The following CACNA1C variants were observed in gnomAD, a reference collection of about 807,000 sequenced individuals.
CACNA1C encodes calcium voltage-gated channel subunit alpha1 C.
In CACNA1C, 30 loss-of-function variants were observed where a neutral mutation model predicts 229.0. The ratio of observed to expected loss-of-function variants is 0.13; its 90% CI spans 0.10 to 0.18. The LOEUF is 0.18. CACNA1C is among the 10% of genes least tolerant of loss of function. The pLI is 1.00. For missense variants in CACNA1C, 1,658 were observed against 2,845.0 expected, an observed-to-expected ratio of 0.58 and a Z score of 9.49; for synonymous variants, 1,114 against 1,132.5, an observed-to-expected ratio of 0.98 and a Z score of 0.33.
intron 3 of CACNA1C, among the ~76,000 whole-genome samples, chr12:2,147,740 G>A (rs1198030103): frequency 6.7e-6 from 1 of 148,910 alleles, no homozygotes; most frequent in Non-Finnish European, 1.5e-5. Context: ...GCAAATTACA[G>A]AGTGAAAGAA....
At chr12:2,081,123 A>G (rs2065423699) in intron 1 of CACNA1C, among the ~76,000 whole-genome samples, 1 of 152,254 alleles carries the variant, frequency 6.6e-6, no homozygotes. Flanking sequence ...AAAAGCAAGC[A>G]GGGAGAAAAG....
intron 1 of CACNA1C, among the ~76,000 whole-genome samples, chr12:2,109,717 A>C (rs769688769): frequency 2.0e-5 from 3 of 152,182 alleles, no homozygotes; most frequent in Non-Finnish European, 4.4e-5. Context: ...CCAAGAGTGG[A>C]CTGAGGAAAA....
rs765822946 is a variant in CACNA1C, at chr12:2,651,775, G to T, written c.4074+7G>T. ...CTTCATCAAGTCCTTCCAGGTAGCCGCCCCTCATGTCCTGCGGCCCGGGGA... is the reference window on the plus strand; with the variant it reads ...CTTCATCAAGTCCTTCCAGGTAGCCTCCCCTCATGTCCTGCGGCCCGGGGA... On this transcript the variant is annotated splice_region_variant and intron_variant, in intron 32 of 46. Coordinates refer to ENST00000399655, the MANE Select transcript of CACNA1C (RefSeq NM_000719.7). The surrounding 1 kb of genome is among the most constrained non-coding windows in gnomAD (Gnocchi z 5.4). 1.9e-6 allele frequency: 3 copies of T among 1,593,708 alleles called. No homozygotes were observed. Among genetic ancestry groups the T allele is most frequent in the Non-Finnish European group, 1.7e-6 (2 of 1,169,990 alleles).
At chr12:2,508,375 C>T (rs1379143172) in intron 8 of CACNA1C, among the ~76,000 whole-genome samples, 4 of 152,172 alleles carry the variant, frequency 2.6e-5, no homozygotes, top group East Asian at 3.9e-4. Context: ...TTCAGGGCTG[C>T]GCATGGTGGC....
Position 1,972,812 on chromosome 12 carries a change from G to C in CACNA1C, c.139+1611G>C, listed in dbSNP as rs575376862. Among the ~76,000 whole-genome samples the C allele has an allele frequency of 2.0e-5, 3 of 152,186 alleles. No homozygotes were observed. The South Asian group carries it at 6.2e-4, about 32-fold the overall frequency. On this transcript the variant is annotated intron_variant, in intron 1 of 46. Coordinates refer to the CACNA1C transcript ENST00000682462. ...AAAAAAGAAGGATGGAATGAAGGGAGGGGGGAGATCAGTGAGGAAGGGAGG... is the reference window on the plus strand; with the variant it reads ...AAAAAAGAAGGATGGAATGAAGGGACGGGGGAGATCAGTGAGGAAGGGAGG...
intron 1 of CACNA1C, chr12:1,991,811 AGTT>A (rs1438604215): frequency 6.5e-6 from 1 of 155,016 alleles, no homozygotes; most frequent in African/African-American, 2.4e-5. Context: ...TTGGTATAGT[AGTT>A]AATATGTGAT....
intron 3 of CACNA1C, among the ~76,000 whole-genome samples, chr12:2,282,383 AG>A (rs1189946965): frequency 3.9e-5 from 6 of 152,228 alleles, no homozygotes; most frequent in African/African-American, 1.4e-4. Context: ...CTTGGCAGAC[AG>A]GGCTGAACGC....
upstream of CACNA1C, among the ~76,000 whole-genome samples, chr12:2,049,882 T>C (rs1040039511): frequency 1.3e-5 from 2 of 152,156 alleles, no homozygotes; most frequent in African/African-American, 4.8e-5. Context: ...GTTCCAAAGT[T>C]AAAAGCTGGG....
At chr12:2,371,808 G>A (rs1267465190) in intron 3 of CACNA1C, among the ~76,000 whole-genome samples, 5 of 146,220 alleles carry the variant, frequency 3.4e-5, no homozygotes, top group Admixed American at 7.0e-5. Context: ...ACTGGAGGCC[G>A]TTCTTTCCAG....
At chr12:2,191,595 C>T (rs1473831325) in intron 3 of CACNA1C, among the ~76,000 whole-genome samples, 3 of 152,150 alleles carry the variant, frequency 2.0e-5, no homozygotes, top group Non-Finnish European at 1.5e-5. Flanking sequence ...CACACATGCA[C>T]TCACACACAT....
At chr12:2,361,293 C>T (rs1464129175) in intron 3 of CACNA1C, among the ~76,000 whole-genome samples, 1 of 151,980 alleles carries the variant, frequency 6.6e-6, no homozygotes, top group Non-Finnish European at 1.5e-5. Context: ...GCTGACTATC[C>T]CAGCCTTCCT....
At chr12:1,993,449 T>C (rs2039989859) in intron 1 of CACNA1C, 2 of 1,577,686 alleles carry the variant, frequency 1.3e-6, no homozygotes, top group Admixed American at 1.8e-5. Context: ...GTATGCTATA[T>C]TTTCAGTATA....
Position 2,530,965 on chromosome 12 carries a change from C to T in CACNA1C, c.1390+17981C>T, listed in dbSNP as rs543789453. On this transcript the variant is annotated intron_variant, in intron 9 of 46. Coordinates refer to ENST00000399655, the MANE Select transcript of CACNA1C (RefSeq NM_000719.7). ...GACCTTTAGACGCACAGCAAGGGGT[C>T]CCGAGGACATTCTTCTCTTGGCCTG... Among the ~76,000 whole-genome samples, 3 of 152,314 alleles carry T rather than the reference C, an allele frequency of 2.0e-5. No homozygotes were observed. The South Asian group carries it at 6.2e-4, about 32-fold the overall frequency.
intron 1 of CACNA1C, among the ~76,000 whole-genome samples, chr12:2,090,011 A>C (rs559137694): frequency 6.6e-6 from 1 of 152,188 alleles, no homozygotes; most frequent in Non-Finnish European, 1.5e-5. Flanking sequence ...CCTGGGTGAC[A>C]GTGTGAGACT....
At chr12:2,681,696 G>A (rs1459764935) in intron 42 of CACNA1C, among the ~76,000 whole-genome samples, 1 of 151,632 alleles carries the variant, frequency 6.6e-6, no homozygotes, top group Non-Finnish European at 1.5e-5. Flanking sequence ...GCAGTCTGCA[G>A]TCCTCCTCCT....
intron 18 of CACNA1C, 145 bp from the exon 19 acceptor site, chr12:2,593,068 C>T: frequency 1.2e-6 from 1 of 859,704 alleles, no homozygotes; most frequent in Admixed American, 2.7e-5. Context: ...CAGCAGCACC[C>T]ACAGGGAGAC....
intron 3 of CACNA1C, among the ~76,000 whole-genome samples, chr12:2,353,862 C>T (rs1049875795): frequency 3.9e-5 from 6 of 152,130 alleles, no homozygotes; most frequent in South Asian, 2.1e-4. Context: ...GAGATCAGGG[C>T]GGCTGGGAGC....
At position 2,512,670 on chromosome 12, in the gene CACNA1C, G is replaced by A. The variant is rs2099787368; in HGVS notation, c.1218-142G>A. ...GCGGAGCTGTCTGTGGAAAGTAGGG[G>A]CGTGTGGGCAGGTTTCTCCCTGCAA... On this transcript the variant is annotated intron_variant, in intron 8 of 46. Transcript: ENST00000399655. The surrounding 1 kb of genome is among the most constrained non-coding windows in gnomAD (Gnocchi z 4.3). The A allele has an allele frequency of 6.6e-6, 4 of 605,034 alleles. No homozygotes were observed. The highest frequency in any genetic ancestry group is 2.9e-5 in the East Asian group (1 of 34,738). 37.5% of individuals were successfully genotyped at this position (605,034 alleles called of 1,614,324 possible). A position where few individuals can be genotyped will look rare whatever the true frequency, so the allele number is the denominator to read the frequency against.
chr12:2,350,894 T>G (rs2097184739), intron 3 of CACNA1C, among the ~76,000 whole-genome samples: 1 of 152,218 alleles, frequency 6.6e-6, no homozygotes. Context: ...TGGCAGGACC[T>G]GTCGAATCAA....
Sources: allele counts gnomAD v4.1 joint callset (sites outside exome capture counted in the v4.1 genomes callset), GRCh38; gene constraint gnomAD v4.1.1; non-coding constraint Gnocchi (gnomAD v3.1); transcripts MANE v1.5; gene names NCBI Gene and HGNC (gene_info 2026-07-23, HGNC 2026-07-21).